ZNF484: variants seen among roughly 807,000 people sequenced by gnomAD.
ZNF484 encodes the protein zinc finger protein 484, also known as KRAB box containing C2H2 type zinc finger bA526D8.4.
Under a neutral mutation model 12.9 loss-of-function variants are expected in ZNF484, and 11 were observed. The ratio of observed to expected loss-of-function variants is 0.85; its 90% CI spans 0.54 to 1.41. The LOEUF is 1.41. ZNF484 is among the 40% of genes most tolerant of loss of function. ZNF484 has a pLI of 0.00. For synonymous variants in ZNF484, 289 were observed against 334.1 expected, an observed-to-expected ratio of 0.86 and a Z score of 1.47; for missense variants, 807 against 1,007.7, an observed-to-expected ratio of 0.80 and a Z score of 2.70.
At chr9:92,875,579 A>G (rs2118301915) in intron 1 of ZNF484, among the ~76,000 whole-genome samples, 1 of 152,182 alleles carries the variant, frequency 6.6e-6, no homozygotes, top group East Asian at 1.9e-4. Flanking sequence ...CTCTACCCTA[A>G]TGGTCCTGGC....
In ZNF484 at chr9:92,856,212, T is replaced by C. The variant is rs1199289686; in HGVS notation, c.122A>G (p.Tyr41Cys). Residue 41 changes from tyrosine (Y) to cysteine (C), a missense_variant, in exon 3 of 5, where the codon TAT (tyrosine) becomes TGT (cysteine). Coordinates refer to ENST00000375495, the MANE Select transcript of ZNF484 (RefSeq NM_031486.4). ...SLYREVMLEN[Y>C]FNLISVGCQV... ...CTTACCCACTGAGATCAAGTTGAAA[T>C]AGTTTTCCAGCATCACTTCTCTGTA... The C allele has an allele frequency of 4.3e-6, 7 of 1,614,016 alleles. No individual in the cohort carries two copies. The highest frequency in any genetic ancestry group is 5.9e-6 in the Non-Finnish European group (7 of 1,179,982).
At chr9:92,874,177 G>A (rs1857637335) in intron 2 of ZNF484, among the ~76,000 whole-genome samples, 1 of 152,150 alleles carries the variant, frequency 6.6e-6, no homozygotes, top group African/African-American at 2.4e-5. Flanking sequence ...AAATTTGTGA[G>A]AAATAAAAAT....
intron 2 of ZNF484, among the ~76,000 whole-genome samples, chr9:92,858,340 AT>A (rs953792451): frequency 8.0e-5 from 12 of 150,830 alleles, no homozygotes; most frequent in Non-Finnish European, 1.3e-4. Context: ...TGAAGCAGAG[AT>A]TTTTTTTTTA....
chr9:92,864,194 A>T (rs768099179), intron 2 of ZNF484, among the ~76,000 whole-genome samples: 2 of 152,158 alleles, frequency 1.3e-5, no homozygotes, highest in African/African-American at 4.8e-5. Context: ...GGCTACTCTG[A>T]GTAAGACTTT....
intron 4 of ZNF484, among the ~76,000 whole-genome samples, chr9:92,855,567 C>T (rs1334350513): frequency 6.6e-6 from 1 of 152,002 alleles, no homozygotes; most frequent in African/African-American, 2.4e-5. Flanking sequence ...TCCAAAGAAC[C>T]AGTAATTGTA....
intron 2 of ZNF484, among the ~76,000 whole-genome samples, chr9:92,860,084 A>G (rs1856688507): frequency 6.6e-6 from 1 of 152,138 alleles, no homozygotes; most frequent in Non-Finnish European, 1.5e-5. Context: ...GCCCCTCCAG[A>G]GCTGATATTG....
rs1855662640 is a variant in ZNF484 at position 92,846,978 on chromosome 9, A to G, written c.1809T>C (p.Thr603=). 6.2e-7 allele frequency: 1 copy of G among 1,614,176 alleles called. No individual in the cohort carries two copies. The highest frequency in any genetic ancestry group is 1.1e-5 in the South Asian group (1 of 91,078). ...TACTGCATTCATAGGGTTTCTCTCC[A>G]GTATGAATTCTCTCATGTGTAATAA... ...SHFITHERIH[T]GEKPYECSIC... is the part of the protein sequence containing the mutation. Residue 603 remains threonine (T), a synonymous_variant, in exon 5 of 5, where the codon ACT becomes ACC. Transcript: ENST00000375495.
Position 92,847,121 on chromosome 9 carries a change from C to T in ZNF484, c.1666G>A (p.Glu556Lys). Residue 556 changes from glutamate (E) to lysine (K), a missense_variant, in exon 5 of 5, where the codon GAA becomes AAA. Glu to Lys is a moderately conservative substitution (Grantham distance 56, BLOSUM62 1). Coordinates refer to ENST00000375495, the MANE Select transcript of ZNF484 (RefSeq NM_031486.4). The stretch of plus-strand genomic sequence containing the variant: ...TTCTGAATGAATGCTTTCCCACATT[C>T]ACTGCATTCATAATGTCTCTCTCCA... Reference protein sequence around the residue: ...HTGERHYECSECGKAFIQKST... With the variant: ...HTGERHYECSKCGKAFIQKST... 1 of 1,614,114 alleles carries T rather than the reference C, an allele frequency of 6.2e-7. No individual in the cohort carries two copies. Among genetic ancestry groups the T allele is most frequent in the East Asian group, 2.2e-5 (1 of 44,874 alleles).
intron 4 of ZNF484, among the ~76,000 whole-genome samples, chr9:92,849,857 A>G (rs980922526): frequency 6.6e-6 from 1 of 151,556 alleles, no homozygotes; most frequent in African/African-American, 2.4e-5. Flanking sequence ...GCTAGAGTGT[A>G]ATGGCATGAT....
chr9:92,846,748 T>A lies in ZNF484; in HGVS notation c.2039A>T (p.His680Leu). ...TCCAGTATGGGATTGCTGATGTATA[T>A]GGAGACCTGACTTCCTAGTGAAGGC... ...GKAFTRKSGL[H>L]IHQQSHTGER... The change falls in exon 5 of 5, where the codon CAT becomes CTT. Residue 680 changes from histidine (H) to leucine (L), a missense_variant. Transcript: ENST00000375495. The A allele has an allele frequency of 1.2e-6, 2 of 1,613,924 alleles. No individual in the cohort carries two copies.
chr9:92,869,575 A>G (rs1308686594), intron 2 of ZNF484, among the ~76,000 whole-genome samples: 1 of 152,198 alleles, frequency 6.6e-6, no homozygotes, highest in Non-Finnish European at 1.5e-5. Flanking sequence ...AAATAAATAA[A>G]TAAACAAAAT....
rs190048820 is a variant in ZNF484 at position 92,848,962 on chromosome 9, C to T, written c.236-411G>A. On this transcript the variant is annotated intron_variant, in intron 4 of 4. Coordinates refer to ENST00000375495, the MANE Select transcript of ZNF484 (RefSeq NM_031486.4). This position sits in a 1 kb window ranked among gnomAD's most constrained non-coding sequence, Gnocchi z 4.1. The stretch of plus-strand genomic sequence containing the variant: ...ATAAATAAATAAATAAATAAAAATA[C>T]AATAGACCTTTGATTCAGGCCGGGT... 6.8e-6 allele frequency among the ~76,000 whole-genome samples: 1 copy of T among 146,120 alleles called. No homozygotes were observed. Among genetic ancestry groups the T allele is most frequent in the East Asian group, 2.0e-4 (1 of 4,896 alleles).
chr9:92,844,311 G>C lies in ZNF484; in HGVS notation c.*1917C>G, dbSNP rs1280971759. On this transcript the variant is annotated 3_prime_UTR_variant, in exon 5 of 5. Coordinates refer to ENST00000375495, the MANE Select transcript of ZNF484 (RefSeq NM_031486.4). ...CAGGCCAACAGAACTGGGTAATAAGGTTATCCCTAAAAGAAACAGAGAAGG... is the reference window on the plus strand; with the variant it reads ...CAGGCCAACAGAACTGGGTAATAAGCTTATCCCTAAAAGAAACAGAGAAGG... Among the ~76,000 whole-genome samples the C allele has an allele frequency of 7.2e-5, 11 of 152,144 alleles. No homozygotes were observed.
intron 4 of ZNF484, among the ~76,000 whole-genome samples, chr9:92,853,014 G>A (rs1856204826): frequency 1.3e-5 from 2 of 152,238 alleles, no homozygotes; most frequent in Non-Finnish European, 2.9e-5. Context: ...CCTACTGAGA[G>A]GAGAATCTGT....
Position 92,856,006 on chromosome 9 carries a change from C to T in ZNF484, c.143-103G>A, listed in dbSNP as rs932151556. ...CACTGGGAACAGAGGAATATTCACA[C>T]TACCCGAAAGAGATTATTAAGAACA... On this transcript the variant is annotated intron_variant, in intron 3 of 4. Coordinates refer to ENST00000375495, the MANE Select transcript of ZNF484 (RefSeq NM_031486.4). The T allele has an allele frequency of 1.5e-5, 22 of 1,426,542 alleles. No homozygotes were observed. The African/African-American group carries it at 2.7e-4, about 17-fold the overall frequency. 88.4% of individuals were successfully genotyped at this position (1,426,542 alleles called of 1,614,324 possible). A position where few individuals can be genotyped will look rare whatever the true frequency, so the allele number is the denominator to read the frequency against.
In ZNF484 at chr9:92,848,751, A is replaced by G. The variant is rs1225947541; in HGVS notation, c.236-200T>C. Among the ~76,000 whole-genome samples, 1 of 151,474 alleles carries G rather than the reference A, an allele frequency of 6.6e-6. No homozygotes were observed. Among genetic ancestry groups the G allele is most frequent in the Non-Finnish European group, 1.5e-5 (1 of 67,900 alleles). ...AAAAAACACTCAAAATATTGTCTCT[A>G]CTAAAAATTAGCCAGGCGTGGTGGT... is the stretch of plus-strand genomic sequence containing the variant. On this transcript the variant is annotated intron_variant, in intron 4 of 4. Transcript: ENST00000375495. The surrounding 1 kb of genome is among the most constrained non-coding windows in gnomAD (Gnocchi z 4.1).
In ZNF484 at chr9:92,846,848, CA is replaced by C; in HGVS notation, c.1938del (p.Asp647ThrfsTer61). 1 of 1,612,840 alleles carries C rather than the reference CA, an allele frequency of 6.2e-7. No homozygotes were observed. The highest frequency in any genetic ancestry group is 8.5e-7 in the Non-Finnish European group (1 of 1,179,670). Reference sequence around the variant, plus strand: ...TGGTGTGTAAAGAGATTTGATCTGTCAGTAAAAGCCTTTCCACATTCAGCAC... The same window carrying C: ...TGGTGTGTAAAGAGATTTGATCTGTCGTAAAAGCCTTTCCACATTCAGCAC... ...YRCAECGKAF[T>X]DRSNLFTHQK... is the part of the protein sequence containing the mutation. On this transcript the variant is annotated frameshift_variant, in exon 5 of 5. Coordinates refer to ENST00000375495, the MANE Select transcript of ZNF484 (RefSeq NM_031486.4). LOFTEE classifies it low-confidence loss of function (END_TRUNC).
chr9:92,871,760 CA>C (rs1214532111), intron 2 of ZNF484, among the ~76,000 whole-genome samples: 1 of 152,166 alleles, frequency 6.6e-6, no homozygotes, highest in East Asian at 1.9e-4. Context: ...CATGGCTCCC[CA>C]AAGATGTTCA....
intron 4 of ZNF484, among the ~76,000 whole-genome samples, chr9:92,852,537 T>G (rs899769465): frequency 1.4e-4 from 19 of 138,754 alleles, no homozygotes; most frequent in Admixed American, 5.0e-4. Context: ...GCCTTTTTTT[T>G]TTTTTTTTTT....
Sources: gnomAD v4.1 joint callset for allele counts (sites outside exome capture counted in the v4.1 genomes callset) on GRCh38, gnomAD v4.1.1 for gene constraint, Gnocchi (gnomAD v3.1) non-coding constraint, MANE v1.5 for transcripts, NCBI Gene and HGNC (gene_info 2026-07-23, HGNC 2026-07-21) for gene names.